Variants in HS2ST1 observed in about 807,000 individuals in gnomAD.
The protein encoded by HS2ST1 is heparan sulfate 2-O-sulfotransferase 1.
Under a neutral mutation model 42.9 loss-of-function variants are expected in HS2ST1, and 18 were observed. The ratio of observed to expected loss-of-function variants is 0.42; its 90% CI spans 0.29 to 0.62. The LOEUF (loss-of-function observed/expected upper bound fraction) is 0.62, where lower values mean the gene tolerates loss of function less well. HS2ST1 is among the 20% of genes least tolerant of loss of function. HS2ST1 has a pLI of 0.21. For missense variants in HS2ST1, 334 were observed against 433.8 expected (o/e 0.77, Z 2.04); for synonymous variants, 146 against 152.9 (o/e 0.95, Z 0.33).
intron 1 of HS2ST1, among the ~76,000 whole-genome samples, chr1:86,962,194 G>C (rs1647865844): frequency 6.6e-6 from 1 of 152,132 alleles, no homozygotes; most frequent in African/African-American, 2.4e-5. Context: ...CAGACACAAA[G>C]ATAAATTAAG....
chr1:86,966,298 A>G lies in HS2ST1; in HGVS notation c.124+51138A>G, dbSNP rs150051488. Among the ~76,000 whole-genome samples, 373 of 152,264 alleles carry G rather than the reference A, an allele frequency of 2.4e-3. 1 individual carries two copies. The highest frequency in any genetic ancestry group is 3.0e-3 in the African/African-American group (125 of 41,552). On this transcript the variant is annotated intron_variant, in intron 1 of 6. Transcript: ENST00000370550. ...TTTGATGTACCCTGTAAATACTACA[A>G]TATGCTTCTCTTTCCTCTCTTCTGT...
chr1:87,011,028 G>A (rs555888801), intron 1 of HS2ST1, among the ~76,000 whole-genome samples: 34 of 152,070 alleles, frequency 2.2e-4, no homozygotes, highest in Middle Eastern at 3.4e-3. Context: ...TCAGGTGATC[G>A]GCCTACCTCA....
At position 87,045,129 on chromosome 1, in the gene HS2ST1, T is replaced by C. The variant is rs550633686; in HGVS notation, c.125-27805T>C. On this transcript the variant is annotated intron_variant, in intron 1 of 6. Coordinates refer to ENST00000370550, the MANE Select transcript of HS2ST1 (RefSeq NM_012262.4). ...CTCTTGAGCTGTGGAGGTGGAAGGCTGACCTCCATCATTACTGCCATTGGT... is the reference window on the plus strand; with the variant it reads ...CTCTTGAGCTGTGGAGGTGGAAGGCCGACCTCCATCATTACTGCCATTGGT... The C allele has an allele frequency of 5.8e-6, 5 of 867,446 alleles. No homozygotes were observed. The African/African-American group carries it at 8.3e-5, about 14-fold the overall frequency. The allele number at this position is 867,446 out of a possible 1,614,324, so 53.7% of individuals were successfully genotyped here.
intron 1 of HS2ST1, among the ~76,000 whole-genome samples, chr1:86,958,072 A>G (rs1012539978): frequency 1.3e-5 from 2 of 152,150 alleles, no homozygotes; most frequent in Non-Finnish European, 2.9e-5. Flanking sequence ...GATTACAGGC[A>G]TGAGCCATCA....
chr1:87,033,886 T>G (rs1287041036), intron 1 of HS2ST1, among the ~76,000 whole-genome samples: 1 of 152,208 alleles, frequency 6.6e-6, no homozygotes, highest in East Asian at 1.9e-4. Context: ...CTTTGACTTT[T>G]GTTGACTTAA....
At chr1:87,018,796 G>C (rs1391931539) in intron 1 of HS2ST1, among the ~76,000 whole-genome samples, 4 of 152,028 alleles carry the variant, frequency 2.6e-5, no homozygotes, top group Non-Finnish European at 4.4e-5. Context: ...ATGTTCTAGA[G>C]TTCTCCTTAC....
intron 4 of HS2ST1, among the ~76,000 whole-genome samples, chr1:87,096,743 G>A (rs1205876078): frequency 2.0e-5 from 3 of 152,198 alleles, no homozygotes. Context: ...CTGAGGGTCA[G>A]AATAGCTTCC....
At position 87,101,156 on chromosome 1, in the gene HS2ST1, G is replaced by GTTTTTTTTTT. The variant is rs1162453464; in HGVS notation, c.687-2256_687-2247dup. On this transcript the variant is annotated intron_variant, in intron 5 of 6. Coordinates refer to ENST00000370550, the MANE Select transcript of HS2ST1 (RefSeq NM_012262.4). Reference sequence around the variant, plus strand: ...TTTTGTGTGTGTGTGTGTGTTTTTTGTTTTTTTTTTTTTTTTTTTTTTTTT... The same window carrying GTTTTTTTTTT: ...TTTTGTGTGTGTGTGTGTGTTTTTTGTTTTTTTTTTTTTTTTTTTTTTTTTTTTTTTTTTT... 2.6e-4 allele frequency among the ~76,000 whole-genome samples: 24 copies of GTTTTTTTTTT among 91,140 alleles called. 1 individual carries two copies. The highest frequency in any genetic ancestry group is 3.4e-4 in the Non-Finnish European group (17 of 50,526). 59.8% of individuals were successfully genotyped at this position (91,140 alleles called of 152,430 possible). A position where few individuals can be genotyped will look rare whatever the true frequency, so the allele number is the denominator to read the frequency against.
Position 87,107,640 on chromosome 1 carries a change from TAC to T in HS2ST1, c.*2946_*2947del, listed in dbSNP as rs1266630262. 2.2e-4 allele frequency: 2 copies of T among 8,974 alleles called. No homozygotes were observed. Among genetic ancestry groups the T allele is most frequent in the Non-Finnish European group, 8.1e-4 (2 of 2,470 alleles). The allele number at this position is 8,974 out of a possible 1,614,324, so 0.6% of individuals were successfully genotyped here. ...GTTATGTGTGTATGTGAAATATATA[TAC>T]ATATATATATATATGTTTATTTCCT... is the stretch of plus-strand genomic sequence containing the variant. On this transcript the variant is annotated 3_prime_UTR_variant, in exon 7 of 7. Transcript: ENST00000370550.
intron 1 of HS2ST1, among the ~76,000 whole-genome samples, chr1:86,958,180 C>G (rs1647729456): frequency 6.6e-6 from 1 of 152,140 alleles, no homozygotes; most frequent in South Asian, 2.1e-4. Flanking sequence ...GTGGGAAATC[C>G]ACATGTAACT....
At chr1:87,051,654 T>G (rs1557528874) in intron 1 of HS2ST1, among the ~76,000 whole-genome samples, 1 of 152,164 alleles carries the variant, frequency 6.6e-6, no homozygotes, top group Non-Finnish European at 1.5e-5. Flanking sequence ...CAAGCATTAG[T>G]TTTTGTCGAT....
intron 1 of HS2ST1, among the ~76,000 whole-genome samples, chr1:87,016,699 T>C (rs1649769725): frequency 6.6e-6 from 1 of 152,136 alleles, no homozygotes; most frequent in South Asian, 2.1e-4. Flanking sequence ...TAAAACACAC[T>C]AAATTGAATG....
intron 1 of HS2ST1, among the ~76,000 whole-genome samples, chr1:86,922,874 T>G (rs1660328816): frequency 6.6e-6 from 1 of 152,212 alleles, no homozygotes; most frequent in Non-Finnish European, 1.5e-5. Context: ...TTTACAGTTT[T>G]TATTACATTT....
rs1318996004 is a variant in HS2ST1 at position 87,108,791 on chromosome 1, T to C, written c.*4095T>C. On this transcript the variant is annotated 3_prime_UTR_variant, in exon 7 of 7. Coordinates refer to ENST00000370550, the MANE Select transcript of HS2ST1 (RefSeq NM_012262.4). ...AGCCTGTGTTGAGACATTGATGCTG[T>C]CTATCTCATTTTTTAGACAGTTTTT... The C allele has an allele frequency of 6.6e-6, 1 of 152,536 alleles. No homozygotes were observed. Among genetic ancestry groups the C allele is most frequent in the East Asian group, 1.9e-4 (1 of 5,206 alleles). 9.4% of individuals were successfully genotyped at this position (152,536 alleles called of 1,614,324 possible).
intron 2 of HS2ST1, among the ~76,000 whole-genome samples, chr1:87,080,513 G>A (rs1651657051): frequency 6.6e-6 from 1 of 152,102 alleles, no homozygotes; most frequent in South Asian, 2.1e-4. Flanking sequence ...GGAAGACAGA[G>A]CAATATGGCC....
intron 1 of HS2ST1, among the ~76,000 whole-genome samples, chr1:86,922,700 A>C (rs939949856): frequency 3.3e-5 from 5 of 152,120 alleles, no homozygotes; most frequent in South Asian, 2.1e-4. Flanking sequence ...GGTTGCCATC[A>C]TTCTTTGTTC....
chr1:86,932,859 CA>C (rs529984389), intron 1 of HS2ST1, among the ~76,000 whole-genome samples: 78 of 151,586 alleles, frequency 5.1e-4, no homozygotes, highest in African/African-American at 1.7e-3. Flanking sequence ...AATAATGGGG[CA>C]AAAAAATATT....
chr1:86,999,463 C>T (rs1006762565), intron 1 of HS2ST1, among the ~76,000 whole-genome samples: 2 of 152,204 alleles, frequency 1.3e-5, no homozygotes, highest in African/African-American at 4.8e-5. Flanking sequence ...CAGGCGTGAG[C>T]CACCACACCT....
At chr1:86,931,325 CAAAGT>C (rs763924078) in intron 1 of HS2ST1, among the ~76,000 whole-genome samples, 2 of 151,966 alleles carry the variant, frequency 1.3e-5, no homozygotes, top group African/African-American at 2.4e-5. Context: ...GAAAATAAGT[CAAAGT>C]AAAGTATTTG....
Sources: allele counts gnomAD v4.1 joint callset (sites outside exome capture counted in the v4.1 genomes callset), GRCh38; gene constraint gnomAD v4.1.1; transcripts MANE v1.5; gene names NCBI Gene and HGNC (gene_info 2026-07-23, HGNC 2026-07-21).